STX12: variants seen among roughly 807,000 people sequenced by gnomAD.
STX12 encodes the protein syntaxin-12.
Under a neutral mutation model 42.2 loss-of-function variants are expected in STX12, and 17 were observed. The ratio of observed to expected loss-of-function variants is 0.40; its 90% confidence interval spans 0.28 to 0.60. The LOEUF (loss-of-function observed/expected upper bound fraction) is 0.60. Ranked by LOEUF, STX12 falls within the 20% of genes least tolerant of loss-of-function variation. The pLI is 0.39. For missense variants in STX12, 297 were observed against 330.9 expected, an observed-to-expected ratio of 0.90 and a Z score of 0.79; for synonymous variants, 108 against 116.7, an observed-to-expected ratio of 0.93 and a Z score of 0.48.
intron 3 of STX12, among the ~76,000 whole-genome samples, chr1:27,800,859 T>A (rs1483616696): frequency 6.6e-6 from 1 of 152,162 alleles, no homozygotes; most frequent in African/African-American, 2.4e-5. Context: ...ACAAGCTTAG[T>A]AGAGGTAGTC....
chr1:27,815,950 C>T (rs1203119365), intron 6 of STX12, among the ~76,000 whole-genome samples: 5 of 151,766 alleles, frequency 3.3e-5, no homozygotes, highest in African/African-American at 7.3e-5. Flanking sequence ...CCGAGGCAGG[C>T]GGATCAGTTG....
chr1:27,812,239 G>T lies in STX12; in HGVS notation c.547G>T (p.Glu183Ter). Residue 183 changes from glutamate (E) to a stop codon, truncating the protein, a stop_gained, in exon 6 of 9, where the codon GAA (glutamate) becomes TAA (stop). Coordinates refer to ENST00000373943, the MANE Select transcript of STX12 (RefSeq NM_177424.3). LOFTEE classifies it high-confidence loss of function. ...ITEQDLELIK[E>*]RETAIRQLEA... ...TGAGCAGGATTTGGAACTTATTAAA[G>T]AAAGAGAAACGGCAATTCGGCAGCT... 2 of 1,559,138 alleles carry T rather than the reference G, an allele frequency of 1.3e-6. No homozygotes were observed. The highest frequency in any genetic ancestry group is 1.7e-6 in the Non-Finnish European group (2 of 1,150,862).
At position 27,822,338 on chromosome 1, in the gene STX12, G is replaced by T; in HGVS notation, c.*9G>T. ...TTTATAAAACGAAGTGATTGCCTCC[G>T]ATCGTTCTCCCGCTGAGCTGTTTTC... On this transcript the variant is annotated 3_prime_UTR_variant, in exon 9 of 9. Transcript: ENST00000373943. 6.4e-7 allele frequency: 1 copy of T among 1,570,254 alleles called. No homozygotes were observed. Among genetic ancestry groups the T allele is most frequent in the Non-Finnish European group, 8.8e-7 (1 of 1,140,214 alleles).
intron 1 of STX12, 28 bp from the exon 2 acceptor site, chr1:27,789,534 A>G (rs1182479626): frequency 1.9e-6 from 3 of 1,588,616 alleles, no homozygotes; most frequent in South Asian, 1.1e-5. Flanking sequence ...TTTCTTTTAA[A>G]TAAATCTTTT....
intron 1 of STX12, among the ~76,000 whole-genome samples, chr1:27,774,721 C>T (rs555482005): frequency 4.7e-4 from 72 of 152,002 alleles, no homozygotes; most frequent in African/African-American, 1.6e-3. Context: ...CTTCTGTCAC[C>T]CAGGCAGAAT....
chr1:27,781,347 G>A (rs1054983232), intron 1 of STX12, among the ~76,000 whole-genome samples: 10 of 152,036 alleles, frequency 6.6e-5, no homozygotes, highest in Admixed American at 1.3e-4. Flanking sequence ...ACCAGCCCCA[G>A]TGGTGACATT....
intron 2 of STX12, among the ~76,000 whole-genome samples, chr1:27,792,227 TATA>T (rs2088750953): frequency 9.1e-6 from 1 of 110,372 alleles, no homozygotes; most frequent in Non-Finnish European, 2.0e-5. Flanking sequence ...TATATATGTA[TATA>T]CATATATATG....
chr1:27,794,649 T>G (rs2148601212), intron 3 of STX12, among the ~76,000 whole-genome samples: 1 of 152,338 alleles, frequency 6.6e-6, no homozygotes, highest in Non-Finnish European at 1.5e-5. Context: ...TTTCTCCGTC[T>G]ACCTTCCTAT....
intron 6 of STX12, among the ~76,000 whole-genome samples, chr1:27,813,175 T>A (rs1310914999): frequency 3.3e-5 from 5 of 151,434 alleles, no homozygotes; most frequent in African/African-American, 1.2e-4. Context: ...TAATAAAATA[T>A]CCTTTTTTTT....
rs1283978871 is a variant in STX12 at position 27,822,941 on chromosome 1, C to A, written c.*612C>A. The A allele has an allele frequency of 6.6e-6, 1 of 152,236 alleles. No individual in the cohort carries two copies. The highest frequency in any genetic ancestry group is 2.4e-5 in the African/African-American group (1 of 41,450). 9.4% of individuals were successfully genotyped at this position (152,236 alleles called of 1,614,324 possible). A position where few individuals can be genotyped will look rare whatever the true frequency, so the allele number is the denominator to read the frequency against. ...AGTTACTGGAGTACATGTTACTAAT[C>A]TGGGTTTAAAGTTTACTTCATTATC... is the stretch of plus-strand genomic sequence containing the variant. On this transcript the variant is annotated 3_prime_UTR_variant, in exon 9 of 9. Coordinates refer to ENST00000373943, the MANE Select transcript of STX12 (RefSeq NM_177424.3).
chr1:27,814,437 A>AG (rs2088926223), intron 6 of STX12, among the ~76,000 whole-genome samples: 1 of 79,618 alleles, frequency 1.3e-5, no homozygotes, highest in African/African-American at 1.5e-4. Flanking sequence ...CCTGAGGCAG[A>AG]AGATCACTTG....
intron 3 of STX12, among the ~76,000 whole-genome samples, chr1:27,795,941 A>G (rs1282548778): frequency 6.6e-6 from 1 of 152,212 alleles, no homozygotes; most frequent in African/African-American, 2.4e-5. Flanking sequence ...TTTTCATAGT[A>G]ACAAAAAAGG....
At chr1:27,811,360 T>C (rs1248949393) in intron 5 of STX12, among the ~76,000 whole-genome samples, 1 of 149,490 alleles carries the variant, frequency 6.7e-6, no homozygotes, top group Middle Eastern at 3.2e-3. Flanking sequence ...ATCACAGCAC[T>C]TTGGCAGGTT....
At position 27,773,232 on chromosome 1, in the gene STX12, T is replaced by G; in HGVS notation, c.-76T>G. 1.0e-6 allele frequency: 1 copy of G among 960,410 alleles called. No individual in the cohort carries two copies. Among genetic ancestry groups the G allele is most frequent in the Non-Finnish European group, 1.6e-6 (1 of 621,936 alleles). 59.5% of individuals were successfully genotyped at this position (960,410 alleles called of 1,614,324 possible). The stretch of plus-strand genomic sequence containing the variant: ...GCCCTTGCTCTTCCCAGTTTCTCCG[T>G]CAGCCTGCGGGTCCCGGCTGGCGGC... On this transcript the variant is annotated 5_prime_UTR_variant, in exon 1 of 9. Coordinates refer to ENST00000373943, the MANE Select transcript of STX12 (RefSeq NM_177424.3).
At chr1:27,782,797 T>C (rs1213905039) in intron 1 of STX12, among the ~76,000 whole-genome samples, 2 of 152,068 alleles carry the variant, frequency 1.3e-5, no homozygotes, top group Non-Finnish European at 2.9e-5. Flanking sequence ...GACCGTGCCA[T>C]TGCACTCCAA....
intron 2 of STX12, among the ~76,000 whole-genome samples, chr1:27,790,298 A>G (rs991316738): frequency 6.6e-6 from 1 of 152,194 alleles, no homozygotes; most frequent in Non-Finnish European, 1.5e-5. Flanking sequence ...AGCAGCAGCA[A>G]GATTTACTGT....
rs575022341 is a variant in STX12 at position 27,778,563 on chromosome 1, C to T, written c.118+5138C>T. Among the ~76,000 whole-genome samples the T allele has an allele frequency of 1.1e-4, 17 of 152,088 alleles. No individual in the cohort carries two copies. In the East Asian group the frequency reaches 2.9e-3, roughly 26 times the overall value. On this transcript the variant is annotated intron_variant, in intron 1 of 8. Transcript: ENST00000373943. ...AAAGTAAGCCGGGTGTGATGGCAGG[C>T]GACTGTAGTCCTAGCTGCTCGGGAG...
At chr1:27,801,122 G>A (rs2088824578) in intron 3 of STX12, among the ~76,000 whole-genome samples, 4 of 152,136 alleles carry the variant, frequency 2.6e-5, no homozygotes, top group Non-Finnish European at 1.5e-5. Flanking sequence ...ATACAGGCTG[G>A]GCACAGTGAC....
chr1:27,775,872 G>A (rs1571513679), intron 1 of STX12, among the ~76,000 whole-genome samples: 1 of 152,306 alleles, frequency 6.6e-6, no homozygotes, highest in East Asian at 1.9e-4. Context: ...GAAGCATAGA[G>A]TATATCTAGA....
Sources: gnomAD v4.1 joint callset for allele counts (sites outside exome capture counted in the v4.1 genomes callset) on GRCh38, gnomAD v4.1.1 for gene constraint, MANE v1.5 for transcripts, NCBI Gene and HGNC (gene_info 2026-07-23, HGNC 2026-07-21) for gene names.